TCERG1L: variants seen among roughly 807,000 people sequenced by gnomAD.
TCERG1L encodes transcription elongation regulator 1 like, also known as transcription elongation regulator 1-like protein.
TCERG1L carries 37 observed loss-of-function variants against 56.3 expected under a neutral mutation model. The observed-to-expected ratio is 0.66, with a 90% CI of 0.51 to 0.87. TCERG1L has a LOEUF of 0.87. Among genes scored for constraint, TCERG1L ranks in the 40% least tolerant of loss-of-function variants. The pLI is 0.00. For synonymous variants in TCERG1L, 324 were observed against 326.3 expected (o/e 0.99, Z 0.08); for missense variants, 799 against 774.2 (o/e 1.03, Z -0.38).
intron 4 of TCERG1L, among the ~76,000 whole-genome samples, chr10:131,187,693 G>A (rs1008312432): frequency 2.6e-5 from 4 of 152,118 alleles, no homozygotes; most frequent in African/African-American, 9.7e-5. Context: ...TTCCTGCCCC[G>A]ACCTAACTGA....
chr10:131,277,857 C>A (rs985533416), intron 3 of TCERG1L, among the ~76,000 whole-genome samples: 2 of 152,138 alleles, frequency 1.3e-5, no homozygotes, highest in South Asian at 2.1e-4. Flanking sequence ...TGGAAAGGAG[C>A]CAGTGGCAGG....
At chr10:131,273,067 T>A (rs1458410153) in intron 3 of TCERG1L, among the ~76,000 whole-genome samples, 1 of 152,032 alleles carries the variant, frequency 6.6e-6, no homozygotes, top group East Asian at 1.9e-4. Flanking sequence ...CACAGTGGAG[T>A]GGGCCCGACC....
chr10:131,277,712 G>T (rs2133559353), intron 3 of TCERG1L, among the ~76,000 whole-genome samples: 1 of 152,290 alleles, frequency 6.6e-6, no homozygotes, highest in African/African-American at 2.4e-5. Flanking sequence ...AAACACAGAG[G>T]CAGGCATGGG....
At chr10:131,230,381 C>T (rs929882767) in intron 4 of TCERG1L, among the ~76,000 whole-genome samples, 2 of 152,328 alleles carry the variant, frequency 1.3e-5, no homozygotes, top group Non-Finnish European at 1.5e-5. Context: ...CCTGGGTGAC[C>T]GCAGCACGTG....
chr10:131,283,316 G>A (rs1047380215), intron 3 of TCERG1L, among the ~76,000 whole-genome samples: 8 of 152,186 alleles, frequency 5.3e-5, no homozygotes, highest in East Asian at 1.9e-4. Flanking sequence ...GAAGCTGAGC[G>A]CAGGATTTTA....
intron 5 of TCERG1L, chr10:131,164,024 G>C (rs892850924): frequency 6.6e-5 from 10 of 151,610 alleles, no homozygotes; most frequent in African/African-American, 2.4e-4. Context: ...CTACTCGGGA[G>C]GCTGAGGCAG....
intron 9 of TCERG1L, 129 bp downstream of exon 9, chr10:131,116,670 A>AG (rs1845462051): frequency 7.8e-7 from 1 of 1,284,296 alleles, no homozygotes; most frequent in Admixed American, 2.1e-5. Flanking sequence ...ATCATCTCTC[A>AG]GGCCAGGACA....
At chr10:131,102,818 C>T (rs1406185339) in intron 10 of TCERG1L, among the ~76,000 whole-genome samples, 3 of 152,144 alleles carry the variant, frequency 2.0e-5, no homozygotes, top group African/African-American at 7.2e-5. Context: ...CCACACAAAC[C>T]CAGGCTGTGC....
At chr10:131,172,755 G>A (rs920184993) in intron 4 of TCERG1L, among the ~76,000 whole-genome samples, 6 of 152,194 alleles carry the variant, frequency 3.9e-5, no homozygotes, top group South Asian at 2.1e-4. Context: ...GGAGCCAACC[G>A]GGAGTCACTG....
At chr10:131,178,291 G>A (rs1845130458) in intron 4 of TCERG1L, among the ~76,000 whole-genome samples, 1 of 152,196 alleles carries the variant, frequency 6.6e-6, no homozygotes, top group African/African-American at 2.4e-5. Context: ...TGGAAACAAG[G>A]AAGCCGACTA....
intron 7 of TCERG1L, among the ~76,000 whole-genome samples, chr10:131,144,596 ACTGGTTGAAAACAAAT>A (rs1845774783): frequency 6.6e-6 from 1 of 152,088 alleles, no homozygotes; most frequent in African/African-American, 2.4e-5. Context: ...AAAAAAAAAG[ACTGGTTGAAAACAAAT>A]CTCTTCCTCT....
chr10:131,191,864 CAAAAAAAAAAAAAAAA>C (rs59816491), intron 4 of TCERG1L, among the ~76,000 whole-genome samples: 2 of 28,724 alleles, frequency 7.0e-5, no homozygotes, highest in South Asian at 2.3e-3. Flanking sequence ...GACTCCGTCT[CAAAAAAAAAAAAAAAA>C]AAAAAAAAAG....
At chr10:131,254,653 C>T (rs1000708486) in intron 4 of TCERG1L, among the ~76,000 whole-genome samples, 1 of 152,052 alleles carries the variant, frequency 6.6e-6, no homozygotes, top group Non-Finnish European at 1.5e-5. Flanking sequence ...GAGGAGGCAC[C>T]GTGGACTCGG....
intron 10 of TCERG1L, among the ~76,000 whole-genome samples, chr10:131,098,971 C>T (rs1845277494): frequency 6.6e-6 from 1 of 152,172 alleles, no homozygotes; most frequent in Admixed American, 6.5e-5. Context: ...CTCTGATCCC[C>T]ACTTGTGAAC....
chr10:131,248,470 TGGCTCGGAGGGCCA>T (rs1248966340), intron 4 of TCERG1L, among the ~76,000 whole-genome samples: 1 of 152,092 alleles, frequency 6.6e-6, no homozygotes, highest in African/African-American at 2.4e-5. Context: ...CTGCCCTCCT[TGGCTCGGAGGGCCA>T]CACTCCACCC....
rs1040190908 is a variant in TCERG1L, at chr10:131,092,428, A to T, written c.*734T>A. 2 of 152,638 alleles carry T rather than the reference A, an allele frequency of 1.3e-5. No homozygotes were observed. The highest frequency in any genetic ancestry group is 2.9e-5 in the Non-Finnish European group (2 of 68,044). 9.5% of individuals were successfully genotyped at this position (152,638 alleles called of 1,614,324 possible). A position where few individuals can be genotyped will look rare whatever the true frequency, so the allele number is the denominator to read the frequency against. ...ATTTATTGATTAAAAAAAATTAAAA[A>T]TTTTTTATACAAAGGTGATGAGAAA... On this transcript the variant is annotated 3_prime_UTR_variant, in exon 12 of 12. Transcript: ENST00000368642.
rs200682392 is a variant in TCERG1L, at chr10:131,093,175, C to T, written c.1748G>A (p.Arg583Gln). Reference protein sequence around the residue: ...KRDKENRLRLRKMR With the variant: ...KRDKENRLRLQKMR ...TTTTTCACAAACTCATCTCATTTTCCGCAGCCTTAGTCTGTTTTCCTTGTC... is the reference window on the plus strand; with the variant it reads ...TTTTTCACAAACTCATCTCATTTTCTGCAGCCTTAGTCTGTTTTCCTTGTC... Residue 583 changes from arginine (R) to glutamine (Q), a missense_variant, in exon 12 of 12, where the codon CGG becomes CAG. Arg to Gln is a conservative substitution (Grantham distance 43). Coordinates refer to ENST00000368642, the MANE Select transcript of TCERG1L (RefSeq NM_174937.4). 432 of 1,612,746 alleles carry T rather than the reference C, an allele frequency of 2.7e-4. 1 individual carries two copies. Among genetic ancestry groups the T allele is most frequent in the Admixed American group, 3.7e-4 (22 of 59,772 alleles).
chr10:131,130,915 C>T (rs1024491034), intron 8 of TCERG1L, among the ~76,000 whole-genome samples: 41 of 152,034 alleles, frequency 2.7e-4, no homozygotes, highest in Admixed American at 8.5e-4. Flanking sequence ...ATCAACCCCC[C>T]GGCAAACCCT....
chr10:131,168,784 T>G (rs115597186), intron 4 of TCERG1L, among the ~76,000 whole-genome samples: 1,791 of 152,248 alleles, frequency 0.012, 39 homozygotes, highest in African/African-American at 0.041. Flanking sequence ...GCCTCCTCCG[T>G]CATTGCCACT....
Sources: allele counts gnomAD v4.1 joint callset (sites outside exome capture counted in the v4.1 genomes callset), GRCh38; gene constraint gnomAD v4.1.1; transcripts MANE v1.5; gene names NCBI Gene and HGNC (gene_info 2026-07-23, HGNC 2026-07-21).